The following MARS1 variants were observed in gnomAD, a reference collection of about 807,000 sequenced individuals.
MARS1 encodes methionine--tRNA ligase, cytoplasmic.
Under a neutral mutation model 119.5 loss-of-function variants are expected in MARS1, and 80 were observed. The observed-to-expected ratio is 0.67, with a 90% CI of 0.56 to 0.81. MARS1 has a LOEUF of 0.81. Among genes scored for constraint, MARS1 ranks in the 30% least tolerant of loss-of-function variants. MARS1 has a pLI of 0.00. For synonymous variants in MARS1, 418 were observed against 433.4 expected (o/e 0.96, Z 0.44); for missense variants, 945 against 1,116.5 (o/e 0.85, Z 2.19).
intron 15 of MARS1, among the ~76,000 whole-genome samples, chr12:57,513,270 T>A (rs1877611504): frequency 6.6e-6 from 1 of 152,178 alleles, no homozygotes; most frequent in Admixed American, 6.5e-5. Context: ...ATAGTTCACC[T>A]GCAGATCATT....
intron 10 of MARS1, among the ~76,000 whole-genome samples, chr12:57,503,473 TC>T (rs1435318755): frequency 6.6e-6 from 1 of 152,114 alleles, no homozygotes; most frequent in Non-Finnish European, 1.5e-5. Context: ...CCTCAGGTGT[TC>T]CACCTGCCTC....
chr12:57,495,091 G>A (rs1198178876), intron 7 of MARS1, among the ~76,000 whole-genome samples: 1 of 151,642 alleles, frequency 6.6e-6, no homozygotes, highest in Non-Finnish European at 1.5e-5. Flanking sequence ...GCCGGGCAGA[G>A]GTGCCCCCCC....
rs751846141 is a variant in MARS1, at chr12:57,498,653, G to T, written c.1091+30G>T. 1.9e-6 allele frequency: 3 copies of T among 1,600,804 alleles called. No homozygotes were observed. In the Admixed American group the frequency reaches 5.0e-5, roughly 27 times the overall value. On this transcript the variant is annotated intron_variant, in intron 9 of 20. Transcript: ENST00000262027. ...GTTTCCTCTAATGAGGCAGAAATGG[G>T]GCTTGAAGGCTGAGACTGGGAACAG... is the stretch of plus-strand genomic sequence containing the variant.
At position 57,513,649 on chromosome 12, in the gene MARS1, C is replaced by T. The variant is rs191721105; in HGVS notation, c.1967+685C>T. Among the ~76,000 whole-genome samples the T allele has an allele frequency of 9.4e-5, 14 of 149,684 alleles. No homozygotes were observed. In the South Asian group the frequency reaches 1.5e-3, roughly 16 times the overall value. ...AAAAAAAAAAGGCTTCTGCTATACT[C>T]TTCAGAGTTCAGAGTTTTTGTTACC... On this transcript the variant is annotated intron_variant, in intron 15 of 20. Transcript: ENST00000262027.
intron 15 of MARS1, 58 bp from the exon 16 acceptor site, chr12:57,514,662 A>G: frequency 6.2e-7 from 1 of 1,605,412 alleles, no homozygotes; most frequent in Admixed American, 1.7e-5. Flanking sequence ...TCTAACAAGG[A>G]GACGGGATAA....
rs768441688 is a variant in MARS1 at position 57,490,306 on chromosome 12, C to T, written c.590C>T (p.Ala197Val). 24 of 1,612,968 alleles carry T rather than the reference C, an allele frequency of 1.5e-5. No individual in the cohort carries two copies. Among genetic ancestry groups the T allele is most frequent in the Non-Finnish European group, 1.9e-5 (23 of 1,180,032 alleles). ...ETVLKQQGVL[A>V]LRPYLQKQPQ... ...GTACTGAAACAGCAAGGTGTCCTGGCTCTCCGGCCTTACCTCCAAAAGCAG... is the reference window on the plus strand; with the variant it reads ...GTACTGAAACAGCAAGGTGTCCTGGTTCTCCGGCCTTACCTCCAAAAGCAG... The change falls in exon 6 of 21, where the codon GCT (alanine) becomes GTT (valine). Residue 197 changes from alanine (A) to valine (V), a missense_variant. By Grantham distance (64) the Ala-to-Val change is moderately conservative. Coordinates refer to ENST00000262027, the MANE Select transcript of MARS1 (RefSeq NM_004990.4).
chr12:57,493,137 C>T lies in MARS1; in HGVS notation c.770+2493C>T, dbSNP rs992711430. Among the ~76,000 whole-genome samples, 25 of 150,514 alleles carry T rather than the reference C, an allele frequency of 1.7e-4. 1 individual carries two copies. Among genetic ancestry groups the T allele is most frequent in the African/African-American group, 5.9e-4 (24 of 40,888 alleles). On this transcript the variant is annotated intron_variant, in intron 7 of 20. Coordinates refer to ENST00000262027, the MANE Select transcript of MARS1 (RefSeq NM_004990.4). Reference sequence around the variant, plus strand: ...ATATTATGTTGTAATTGTCACATTACATGTTTGTTTCTTCACTAATTTGTA... The same window carrying T: ...ATATTATGTTGTAATTGTCACATTATATGTTTGTTTCTTCACTAATTTGTA...
intron 15 of MARS1, 73 bp from the exon 16 acceptor site, chr12:57,514,647 G>A: frequency 6.3e-7 from 1 of 1,590,852 alleles, no homozygotes; most frequent in Non-Finnish European, 8.6e-7. Flanking sequence ...GAAATTGGGT[G>A]AAATTCTAAC....
chr12:57,488,744 G>A, intron 1 of MARS1: 1 of 1,299,876 alleles, frequency 7.7e-7, no homozygotes, highest in East Asian at 2.5e-5. Flanking sequence ...ACTTTCAGTC[G>A]TTAAGTTCTT....
intron 7 of MARS1, 53 bp from the exon 8 acceptor site, chr12:57,498,104 C>T (rs926662914): frequency 6.8e-5 from 80 of 1,174,314 alleles, no homozygotes; most frequent in Middle Eastern, 1.9e-4. Context: ...CTTTTCGTCC[C>T]TGTTGACCCT....
rs148501787 is a variant in MARS1, at chr12:57,514,970, C to T, written c.2116C>T (p.Arg706Cys). The T allele has an allele frequency of 5.5e-4, 886 of 1,614,166 alleles. No individual in the cohort carries two copies. The highest frequency in any genetic ancestry group is 6.9e-4 in the Non-Finnish European group (810 of 1,180,030). The change falls in exon 17 of 21, where the codon CGC (arginine) becomes TGC (cysteine). Residue 706 changes from arginine (R) to cysteine (C), a missense_variant. Coordinates refer to ENST00000262027, the MANE Select transcript of MARS1 (RefSeq NM_004990.4). ...CCTTCCCAGGATCCGGGATGCCTTG[C>T]GCAGTATCCTCACCATATCTCGACA... is the stretch of plus-strand genomic sequence containing the variant. Reference protein sequence around the residue: ...LEKVRIRDALRSILTISRHGN... With the variant: ...LEKVRIRDALCSILTISRHGN...
At position 57,489,101 on chromosome 12, in the gene MARS1, A is replaced by C. The variant is rs755629548; in HGVS notation, c.192A>C (p.Ala64=). The change falls in exon 2 of 21, where the codon GCA becomes GCC. Residue 64 remains alanine, a synonymous_variant. Coordinates refer to ENST00000262027, the MANE Select transcript of MARS1 (RefSeq NM_004990.4). The part of the protein sequence containing the change: ...DSGNYLFSTS[A]ICRYFFLLSG... ...GCAACTACCTCTTCTCCACTAGTGCAATCTGCCGGTCAGTATTGGTCCTTG... is the reference window on the plus strand; with the variant it reads ...GCAACTACCTCTTCTCCACTAGTGCCATCTGCCGGTCAGTATTGGTCCTTG... 10 of 1,613,918 alleles carry C rather than the reference A, an allele frequency of 6.2e-6. No individual in the cohort carries two copies. The Admixed American group carries it at 8.3e-5, about 13-fold the overall frequency.
intron 11 of MARS1, among the ~76,000 whole-genome samples, chr12:57,510,184 A>T (rs978880516): frequency 3.3e-5 from 5 of 152,294 alleles, no homozygotes; most frequent in African/African-American, 1.2e-4. Flanking sequence ...GCTGATTAAA[A>T]AAAAATTGAC....
Position 57,515,259 on chromosome 12 carries a change from C to T in MARS1, c.2314C>T (p.Gln772Ter), listed in dbSNP as rs1248367484. The T allele has an allele frequency of 1.2e-6, 2 of 1,614,100 alleles. No individual in the cohort carries two copies. The highest frequency in any genetic ancestry group is 1.7e-5 in the Admixed American group (1 of 60,028). Residue 772 changes from glutamine to a stop codon, truncating the protein, a stop_gained, in exon 18 of 21, where the codon CAG (glutamine) becomes TAG (stop). Coordinates refer to ENST00000262027, the MANE Select transcript of MARS1 (RefSeq NM_004990.4). LOFTEE classifies it high-confidence loss of function. ...TVSATIQAQL[Q>*]LPPPACSILL... is the part of the protein sequence containing the mutation. ...TAGTGCCACAATCCAGGCCCAGCTG[C>T]AGCTCCCACCTCCAGCCTGCAGTAT... is the stretch of plus-strand genomic sequence containing the variant.
At chr12:57,503,580 C>G (rs1877037318) in intron 10 of MARS1, among the ~76,000 whole-genome samples, 1 of 149,656 alleles carries the variant, frequency 6.7e-6, no homozygotes, top group Non-Finnish European at 1.5e-5. Flanking sequence ...AGAGTCTGCT[C>G]TGTCAGCAGC....
chr12:57,516,644 CTCTA>C lies in MARS1; in HGVS notation c.*65_*68del. 6.5e-7 allele frequency: 1 copy of C among 1,527,622 alleles called. No homozygotes were observed. The highest frequency in any genetic ancestry group is 8.8e-7 in the Non-Finnish European group (1 of 1,141,434). The allele number at this position is 1,527,622 out of a possible 1,614,324, so 94.6% of individuals were successfully genotyped here. A position where few individuals can be genotyped will look rare whatever the true frequency, so the allele number is the denominator to read the frequency against. On this transcript the variant is annotated 3_prime_UTR_variant, in exon 21 of 21. Transcript: ENST00000262027. ...GGACAGTAATAAATAAATGTACAAT[CTCTA>C]TATACAAGCTGAGACCTTTCCTTTT...
intron 9 of MARS1, among the ~76,000 whole-genome samples, chr12:57,499,183 C>T (rs1037850845): frequency 1.3e-5 from 2 of 148,568 alleles, no homozygotes; most frequent in East Asian, 4.0e-4. Context: ...ACTTGGGAAG[C>T]TGAGGCAGAA....
In MARS1 at chr12:57,511,753, C is replaced by T; in HGVS notation, c.1424C>T (p.Thr475Ile). Residue 475 changes from threonine (T) to isoleucine (I), a missense_variant, in exon 12 of 21, where the codon ACA becomes ATA. By Grantham distance (89) the Thr-to-Ile change is moderately conservative. Transcript: ENST00000262027. ...LGRTLPGSDW[T>I]PNAQFITRSW... ...AGGACATTGCCTGGCAGTGACTGGA[C>T]ACCCAATGCCCAGTTTATCACCCGT... The T allele has an allele frequency of 6.2e-7, 1 of 1,614,228 alleles. No individual in the cohort carries two copies. The highest frequency in any genetic ancestry group is 8.5e-7 in the Non-Finnish European group (1 of 1,180,042).
chr12:57,502,756 G>A (rs1263995107), intron 10 of MARS1, among the ~76,000 whole-genome samples: 2 of 149,032 alleles, frequency 1.3e-5, no homozygotes, highest in Admixed American at 6.8e-5. Context: ...AGCCAGGCAC[G>A]GTGGCTCACG....
Sources: allele counts gnomAD v4.1 joint callset (sites outside exome capture counted in the v4.1 genomes callset), GRCh38; gene constraint gnomAD v4.1.1; transcripts MANE v1.5; gene names NCBI Gene and HGNC (gene_info 2026-07-23, HGNC 2026-07-21).